The following L3HYPDH variants were observed in gnomAD, a reference collection of about 807,000 sequenced individuals.
L3HYPDH encodes the protein trans-L-3-hydroxyproline dehydratase.
A neutral mutation model predicts 26.5 loss-of-function variants in L3HYPDH; 32 were observed. That is an observed-to-expected ratio of 1.21 (90% CI 0.91 to 1.62). The LOEUF (loss-of-function observed/expected upper bound fraction) is 1.62. Ranked by LOEUF, L3HYPDH falls within the 40% of genes most tolerant of loss-of-function variation. The pLI is 0.00. For missense variants in L3HYPDH, 554 were observed against 476.4 expected (o/e 1.16, Z -1.52); for synonymous variants, 215 against 196.6 (o/e 1.09, Z -0.78).
At chr14:59,486,887 T>C (rs1890622810), upstream of L3HYPDH, 1 of 946,616 alleles carries the variant, frequency 1.1e-6, no homozygotes, top group Non-Finnish European at 1.6e-6. Flanking sequence ...TTTTTTGTTA[T>C]TATACTCATT....
the L3HYPDH span, among the ~76,000 whole-genome samples, chr14:59,490,340 C>G: frequency 2.0e-5 from 3 of 152,214 alleles, no homozygotes; most frequent in African/African-American, 7.2e-5. Flanking sequence ...CCAAATACTT[C>G]CCACTAGGCC....
intron 1 of L3HYPDH, among the ~76,000 whole-genome samples, chr14:59,480,134 G>A (rs1212422832): frequency 6.6e-6 from 1 of 152,202 alleles, no homozygotes; most frequent in Non-Finnish European, 1.5e-5. Context: ...TGGCAGGGGA[G>A]AAAGCTTGTC....
At chr14:59,499,661 G>A in the L3HYPDH span, among the ~76,000 whole-genome samples, 1 of 152,256 alleles carries the variant, frequency 6.6e-6, no homozygotes, top group South Asian at 2.1e-4. Flanking sequence ...TCCCAAGGAT[G>A]TTGGACACCA....
downstream of L3HYPDH, among the ~76,000 whole-genome samples, chr14:59,469,527 G>C (rs534658276): frequency 8.0e-6 from 1 of 125,586 alleles, no homozygotes; most frequent in African/African-American, 3.1e-5. Flanking sequence ...CTGCACTCTC[G>C]CCCTGGCGAC....
chr14:59,497,615 T>C, the L3HYPDH span, among the ~76,000 whole-genome samples: 1 of 152,114 alleles, frequency 6.6e-6, no homozygotes, highest in Non-Finnish European at 1.5e-5. Flanking sequence ...CACATAATGG[T>C]TTCCTCTTGA....
upstream of L3HYPDH, among the ~76,000 whole-genome samples, chr14:59,485,273 T>G (rs936476510): frequency 2.0e-5 from 3 of 152,222 alleles, no homozygotes; most frequent in African/African-American, 7.2e-5. Context: ...ACCTTCTGCA[T>G]TCTTGAAAAA....
At chr14:59,475,506 G>C (rs1321317605) in intron 4 of L3HYPDH, among the ~76,000 whole-genome samples, 1 of 152,184 alleles carries the variant, frequency 6.6e-6, no homozygotes. Context: ...TGGCTTAACA[G>C]AAGACAACTA....
upstream of L3HYPDH, chr14:59,484,794 C>T (rs1449724569): frequency 2.2e-6 from 2 of 899,414 alleles, no homozygotes; most frequent in Non-Finnish European, 3.3e-6. Flanking sequence ...CTAGGGGAGG[C>T]GCGCTGTCTG....
chr14:59,473,356 C>G (rs1320759214), intron 4 of L3HYPDH, among the ~76,000 whole-genome samples: 1 of 152,022 alleles, frequency 6.6e-6, no homozygotes, highest in Non-Finnish European at 1.5e-5. Context: ...ATGATTGATT[C>G]CAGAGTCACT....
chr14:59,482,502 A>T (rs571315700), intron 1 of L3HYPDH, among the ~76,000 whole-genome samples: 1 of 152,134 alleles, frequency 6.6e-6, no homozygotes, highest in South Asian at 2.1e-4. Context: ...GAGTGTTTCT[A>T]CTCTGCTGCT....
the L3HYPDH span, among the ~76,000 whole-genome samples, chr14:59,498,434 C>T: frequency 4.6e-5 from 7 of 152,066 alleles, no homozygotes; most frequent in East Asian, 3.9e-4. Context: ...TTATGTATCC[C>T]TGGTTGTTTC....
At chr14:59,501,773 A>G in the L3HYPDH span, among the ~76,000 whole-genome samples, 1 of 152,186 alleles carries the variant, frequency 6.6e-6, no homozygotes, top group Admixed American at 6.5e-5. Flanking sequence ...TAACATTAAT[A>G]GCCACATTAT....
chr14:59,473,470 G>A (rs771032952), intron 4 of L3HYPDH, among the ~76,000 whole-genome samples: 2 of 152,126 alleles, frequency 1.3e-5, no homozygotes, highest in African/African-American at 2.4e-5. Context: ...TGGGAATTGA[G>A]GACTAGCAAT....
Position 59,475,925 on chromosome 14 carries a change from T to A in L3HYPDH, c.883A>T (p.Met295Leu). The change falls in exon 4 of 5, where the codon ATG becomes TTG. Residue 295 changes from methionine (M) to leucine (L), a missense_variant. Physicochemically the swap from Met to Leu is conservative, Grantham distance 15. Transcript: ENST00000247194. ...YHKGLLELNQ[M>L]RAFKSSATGS... ...GTTGCACTGCTTTTGAAGGCTCTCA[T>A]CTGGTTCAGTTCCAGAAGCCCTTTG... 1 of 1,613,940 alleles carries A rather than the reference T, an allele frequency of 6.2e-7. No individual in the cohort carries two copies. Among genetic ancestry groups the A allele is most frequent in the South Asian group, 1.1e-5 (1 of 91,074 alleles).
chr14:59,499,670 C>G, the L3HYPDH span, among the ~76,000 whole-genome samples: 8 of 152,022 alleles, frequency 5.3e-5, no homozygotes, highest in Admixed American at 1.3e-4. Flanking sequence ...TGTTGGACAC[C>G]ATCCTTTATA....
chr14:59,484,559 G>C, upstream of L3HYPDH: 2 of 1,569,142 alleles, frequency 1.3e-6, no homozygotes, highest in Middle Eastern at 1.7e-4. Flanking sequence ...CGCTGATCTA[G>C]TGCTTCTCGA....
the L3HYPDH span, among the ~76,000 whole-genome samples, chr14:59,493,975 T>C: frequency 8.1e-4 from 124 of 152,292 alleles, no homozygotes; most frequent in African/African-American, 2.9e-3. Flanking sequence ...ACCTGTTCAG[T>C]AAAATGCTGC....
upstream of L3HYPDH, chr14:59,485,359 T>A (rs1408095097): frequency 7.3e-6 from 3 of 409,048 alleles, no homozygotes; most frequent in Non-Finnish European, 1.3e-5. Context: ...AAGCGCCCAT[T>A]AAAGAGGCCA....
At chr14:59,502,516 C>G in the L3HYPDH span, among the ~76,000 whole-genome samples, 4 of 152,128 alleles carry the variant, frequency 2.6e-5, no homozygotes, top group Non-Finnish European at 5.9e-5. Flanking sequence ...ATCTAGGAAT[C>G]ATAGTGACTT....
Sources: allele counts gnomAD v4.1 joint callset (sites outside exome capture counted in the v4.1 genomes callset), GRCh38; gene constraint gnomAD v4.1.1; transcripts MANE v1.5; gene names NCBI Gene and HGNC (gene_info 2026-07-23, HGNC 2026-07-21).